Variants in FZD2 observed in about 807,000 individuals in gnomAD.
FZD2 encodes frizzled class receptor 2, also known as frizzled-2.
A neutral mutation model predicts 36.7 loss-of-function variants in FZD2; 17 were observed. That is an observed-to-expected ratio of 0.46 (90% confidence interval 0.32 to 0.70). The LOEUF (loss-of-function observed/expected upper bound fraction) is 0.70, where lower values mean the gene tolerates loss of function less well. Ranked by LOEUF, FZD2 falls within the 30% of genes least tolerant of loss-of-function variation. The pLI is 0.04. For synonymous variants in FZD2, 333 were observed against 359.6 expected (o/e 0.93, Z 0.84); for missense variants, 525 against 805.6 (o/e 0.65, Z 4.22).
In FZD2 at chr17:44,558,320, T is replaced by G. The variant is rs745560735; in HGVS notation, c.632T>G (p.Leu211Arg). The change falls in exon 1 of 1, where the codon CTC becomes CGC. Residue 211 changes from leucine to arginine, a missense_variant. Coordinates refer to ENST00000315323, the MANE Select transcript of FZD2 (RefSeq NM_001466.4). This position sits in a 1 kb window ranked among gnomAD's most constrained non-coding sequence, Gnocchi z 9.3. ...CPRVLKVPSY[L>R]SYKFLGERDC... Reference sequence around the variant, plus strand: ...CGCGTCCTCAAGGTGCCATCCTATCTCAGCTACAAGTTTCTGGGCGAGCGT... The same window carrying G: ...CGCGTCCTCAAGGTGCCATCCTATCGCAGCTACAAGTTTCTGGGCGAGCGT... 6.7e-7 allele frequency: 1 copy of G among 1,492,444 alleles called. No homozygotes were observed. The highest frequency in any genetic ancestry group is 8.9e-7 in the Non-Finnish European group (1 of 1,127,562). The allele number at this position is 1,492,444 out of a possible 1,614,324, so 92.5% of individuals were successfully genotyped here. A position where few individuals can be genotyped will look rare whatever the true frequency, so the allele number is the denominator to read the frequency against.
Position 44,559,289 on chromosome 17 carries a change from C to T in FZD2, c.1601C>T (p.Thr534Met). Reference sequence around the variant, plus strand: ...CTCATGACGCTCATCGTGGGCATCACGTCGGGCTTCTGGATCTGGTCGGGC... The same window carrying T: ...CTCATGACGCTCATCGTGGGCATCATGTCGGGCTTCTGGATCTGGTCGGGC... Reference protein sequence around the residue: ...KYLMTLIVGITSGFWIWSGKT... With the variant: ...KYLMTLIVGIMSGFWIWSGKT... Residue 534 changes from threonine (T) to methionine (M), a missense_variant, in exon 1 of 1, where the codon ACG becomes ATG. Coordinates refer to ENST00000315323, the MANE Select transcript of FZD2 (RefSeq NM_001466.4). This position sits in a 1 kb window ranked among gnomAD's most constrained non-coding sequence, Gnocchi z 4.4. The T allele has an allele frequency of 6.2e-7, 1 of 1,614,034 alleles. No homozygotes were observed. The highest frequency in any genetic ancestry group is 8.5e-7 in the Non-Finnish European group (1 of 1,180,010).
rs1166945927 is a variant in FZD2, at chr17:44,559,941, C to T, written c.*555C>T. Among the ~76,000 whole-genome samples the T allele has an allele frequency of 6.6e-6, 1 of 152,106 alleles. No homozygotes were observed. Among genetic ancestry groups the T allele is most frequent in the Admixed American group, 6.6e-5 (1 of 15,256 alleles). ...TTGGATTCGTTTTGTTTCCTTCCCC[C>T]TTTTCTTTCCCTACTCATTTGTCCT... On this transcript the variant is annotated 3_prime_UTR_variant, in exon 1 of 1. Coordinates refer to ENST00000315323, the MANE Select transcript of FZD2 (RefSeq NM_001466.4). This position sits in a 1 kb window ranked among gnomAD's most constrained non-coding sequence, Gnocchi z 4.4.
chr17:44,559,545 G>A lies in FZD2; in HGVS notation c.*159G>A. ...ACTCTCTGCCCAACACCCCCACAAG[G>A]TTTGTAATTAAAACTGTAAATAGTC... On this transcript the variant is annotated 3_prime_UTR_variant, in exon 1 of 1. Transcript: ENST00000315323. The surrounding 1 kb of genome is among the most constrained non-coding windows in gnomAD (Gnocchi z 4.4). 2.2e-6 allele frequency: 2 copies of A among 897,840 alleles called. No individual in the cohort carries two copies. Among genetic ancestry groups the A allele is most frequent in the South Asian group, 2.8e-5 (1 of 35,562 alleles). The allele number at this position is 897,840 out of a possible 1,614,324, so 55.6% of individuals were successfully genotyped here. A position where few individuals can be genotyped will look rare whatever the true frequency, so the allele number is the denominator to read the frequency against.
At position 44,559,056 on chromosome 17, in the gene FZD2, G is replaced by C; in HGVS notation, c.1368G>C (p.Glu456Asp). The C allele has an allele frequency of 1.2e-6, 2 of 1,614,156 alleles. No individual in the cohort carries two copies. Among genetic ancestry groups the C allele is most frequent in the Non-Finnish European group, 1.7e-6 (2 of 1,180,040 alleles). Residue 456 changes from glutamate (E) to aspartate (D), a missense_variant, in exon 1 of 1, where the codon GAG becomes GAC. Around this residue, in one of 5 missense-constraint regions of FZD2, gnomAD observed 189 missense variants for 298.1 expected, o/e 0.63. Transcript: ENST00000315323. The surrounding 1 kb of genome is among the most constrained non-coding windows in gnomAD (Gnocchi z 4.4). ...ACGGCACCAAGACCGAAAAGCTGGA[G>C]CGGCTCATGGTGCGCATCGGCGTCT... The part of the protein sequence containing the change: ...KHDGTKTEKL[E>D]RLMVRIGVFS...
chr17:44,558,971 C>T lies in FZD2; in HGVS notation c.1283C>T (p.Thr428Met). The change falls in exon 1 of 1, where the codon ACG (threonine) becomes ATG (methionine). Residue 428 changes from threonine to methionine, a missense_variant. This residue lies in a region of FZD2 where 189 missense variants were observed against 298.1 expected (regional missense o/e 0.63). Coordinates refer to ENST00000315323, the MANE Select transcript of FZD2 (RefSeq NM_001466.4). This position sits in a 1 kb window ranked among gnomAD's most constrained non-coding sequence, Gnocchi z 9.3. ...CTCTTCGTGTACCTGTTCATCGGCA[C>T]GTCCTTCCTCCTGGCCGGCTTCGTG... ...APLFVYLFIG[T>M]SFLLAGFVSL... is the part of the protein sequence containing the mutation. 6.2e-7 allele frequency: 1 copy of T among 1,614,096 alleles called. No homozygotes were observed. The highest frequency in any genetic ancestry group is 8.5e-7 in the Non-Finnish European group (1 of 1,180,026).
rs766944316 is a variant in FZD2, at chr17:44,559,192, C to T, written c.1504C>T (p.Leu502=). 1 of 1,613,838 alleles carries T rather than the reference C, an allele frequency of 6.2e-7. No homozygotes were observed. Residue 502 remains leucine (L), a synonymous_variant, in exon 1 of 1, where the codon CTG becomes TTG. Coordinates refer to ENST00000315323, the MANE Select transcript of FZD2 (RefSeq NM_001466.4). The surrounding 1 kb of genome is among the most constrained non-coding windows in gnomAD (Gnocchi z 4.4). ...RSWVSQHCKS[L]AIPCPAHYTP... is the part of the protein sequence containing the mutation. ...GTGGGTGAGCCAGCACTGCAAGAGCCTGGCCATCCCGTGCCCGGCGCACTA... is the reference window on the plus strand; with the variant it reads ...GTGGGTGAGCCAGCACTGCAAGAGCTTGGCCATCCCGTGCCCGGCGCACTA...
Position 44,557,697 on chromosome 17 carries a change from C to T in FZD2, c.9C>T (p.Pro3=). The change falls in exon 1 of 1, where the codon CCC becomes CCT. Residue 3 remains proline (P), a synonymous_variant. Transcript: ENST00000315323. This position sits in a 1 kb window ranked among gnomAD's most constrained non-coding sequence, Gnocchi z 4.9. Reference sequence around the variant, plus strand: ...GGGGGGCGGCGGCCAGCATGCGGCCCCGCAGCGCCCTGCCCCGCCTGCTGC... The same window carrying T: ...GGGGGGCGGCGGCCAGCATGCGGCCTCGCAGCGCCCTGCCCCGCCTGCTGC... MR[P]RSALPRLLLP... 2.1e-6 allele frequency: 3 copies of T among 1,454,512 alleles called. No individual in the cohort carries two copies. The highest frequency in any genetic ancestry group is 2.7e-6 in the Non-Finnish European group (3 of 1,105,688). 90.1% of individuals were successfully genotyped at this position (1,454,512 alleles called of 1,614,324 possible).
chr17:44,560,524 G>T lies in FZD2; in HGVS notation c.*1138G>T, dbSNP rs1970876727. ...CTTTTTAGTTTTCCTTTGAGAAAAA[G>T]ACTGGTTTATTTAAAATTTGTCCAG... is the stretch of plus-strand genomic sequence containing the variant. On this transcript the variant is annotated 3_prime_UTR_variant, in exon 1 of 1. Coordinates refer to ENST00000315323, the MANE Select transcript of FZD2 (RefSeq NM_001466.4). 6.8e-6 allele frequency among the ~76,000 whole-genome samples: 1 copy of T among 146,136 alleles called. No homozygotes were observed. Among genetic ancestry groups the T allele is most frequent in the Admixed American group, 7.0e-5 (1 of 14,378 alleles).
At position 44,559,491 on chromosome 17, in the gene FZD2, T is replaced by C. The variant is rs1970864505; in HGVS notation, c.*105T>C. 2 of 1,414,802 alleles carry C rather than the reference T, an allele frequency of 1.4e-6. No homozygotes were observed. Among genetic ancestry groups the C allele is most frequent in the Non-Finnish European group, 1.8e-6 (2 of 1,088,638 alleles). The allele number at this position is 1,414,802 out of a possible 1,614,324, so 87.6% of individuals were successfully genotyped here. A position where few individuals can be genotyped will look rare whatever the true frequency, so the allele number is the denominator to read the frequency against. On this transcript the variant is annotated 3_prime_UTR_variant, in exon 1 of 1. Transcript: ENST00000315323. This position sits in a 1 kb window ranked among gnomAD's most constrained non-coding sequence, Gnocchi z 4.4. ...TTAAATAAAAAACGATCGAAACCAT[T>C]TCACTTTTAGGTTGCTTTTTAAAAG...
Position 44,557,994 on chromosome 17 carries a change from G to C in FZD2, c.306G>C (p.Val102=). 6.2e-7 allele frequency: 1 copy of C among 1,613,936 alleles called. No individual in the cohort carries two copies. Among genetic ancestry groups the C allele is most frequent in the Non-Finnish European group, 8.5e-7 (1 of 1,180,006 alleles). Residue 102 remains valine (V), a synonymous_variant, in exon 1 of 1, where the codon GTG becomes GTC. Transcript: ENST00000315323. This position sits in a 1 kb window ranked among gnomAD's most constrained non-coding sequence, Gnocchi z 4.9. The part of the protein sequence containing the change: ...LCSMYAPVCT[V]LEQAIPPCRS... ...CCATGTACGCACCCGTGTGCACCGTGCTGGAACAGGCCATCCCGCCGTGCC... is the reference window on the plus strand; with the variant it reads ...CCATGTACGCACCCGTGTGCACCGTCCTGGAACAGGCCATCCCGCCGTGCC...
At position 44,558,569 on chromosome 17, in the gene FZD2, A is replaced by C; in HGVS notation, c.881A>C (p.Tyr294Ser). The C allele has an allele frequency of 1.2e-6, 2 of 1,606,810 alleles. No individual in the cohort carries two copies. The highest frequency in any genetic ancestry group is 1.7e-6 in the Non-Finnish European group (2 of 1,175,824). The change falls in exon 1 of 1, where the codon TAC (tyrosine) becomes TCC (serine). Residue 294 changes from tyrosine to serine, a missense_variant. By Grantham distance (144) the Tyr-to-Ser change is moderately radical (BLOSUM62 -2). This residue lies in a region of FZD2 where 257 missense variants were observed against 344.4 expected (regional missense o/e 0.75). Coordinates refer to ENST00000315323, the MANE Select transcript of FZD2 (RefSeq NM_001466.4). The surrounding 1 kb of genome is among the most constrained non-coding windows in gnomAD (Gnocchi z 9.3). The stretch of plus-strand genomic sequence containing the variant: ...TGCTACACCATGGTGTCGGTGGCCT[A>C]CATCGCGGGCTTCGTGCTCCAGGAG... ...SGCYTMVSVA[Y>S]IAGFVLQERV...
chr17:44,560,053 G>A lies in FZD2; in HGVS notation c.*667G>A, dbSNP rs1161313710. 1.3e-5 allele frequency among the ~76,000 whole-genome samples: 2 copies of A among 152,104 alleles called. No individual in the cohort carries two copies. The highest frequency in any genetic ancestry group is 2.9e-5 in the Non-Finnish European group (2 of 68,034). On this transcript the variant is annotated 3_prime_UTR_variant, in exon 1 of 1. Coordinates refer to ENST00000315323, the MANE Select transcript of FZD2 (RefSeq NM_001466.4). The stretch of plus-strand genomic sequence containing the variant: ...GGGTCGGGGTGTGCTGGTGGGGAGA[G>A]GGCAGAGATCCGGTGAGGAATGGCT...
Position 44,558,829 on chromosome 17 carries a change from G to A in FZD2, c.1141G>A (p.Ala381Thr), listed in dbSNP as rs530531830. 3.5e-5 allele frequency: 57 copies of A among 1,614,028 alleles called. No homozygotes were observed. Among genetic ancestry groups the A allele is most frequent in the Non-Finnish European group, 4.7e-5 (55 of 1,179,992 alleles). The change falls in exon 1 of 1, where the codon GCC becomes ACC. Residue 381 changes from alanine (A) to threonine (T), a missense_variant. Ala to Thr is a moderately conservative substitution (Grantham distance 58, BLOSUM62 0). Coordinates refer to ENST00000315323, the MANE Select transcript of FZD2 (RefSeq NM_001466.4). The surrounding 1 kb of genome is among the most constrained non-coding windows in gnomAD (Gnocchi z 9.3). ...YFHLAAWAVPAVKTITILAMG... is the reference protein window; with the variant it reads ...YFHLAAWAVPTVKTITILAMG... ...CCACCTGGCCGCCTGGGCCGTGCCG[G>A]CCGTCAAGACCATCACCATCCTGGC... is the stretch of plus-strand genomic sequence containing the variant.
chr17:44,558,141 C>T lies in FZD2; in HGVS notation c.453C>T (p.Val151=), dbSNP rs750729454. 2.5e-6 allele frequency: 4 copies of T among 1,601,978 alleles called. No individual in the cohort carries two copies. The highest frequency in any genetic ancestry group is 1.7e-5 in the Admixed American group (1 of 59,546). The change falls in exon 1 of 1, where the codon GTC becomes GTT. Residue 151 remains valine, a synonymous_variant. Transcript: ENST00000315323. The surrounding 1 kb of genome is among the most constrained non-coding windows in gnomAD (Gnocchi z 9.3). ...FPRHGAEQIC[V]GQNHSEDGAP... ...GCCACGGCGCCGAGCAGATCTGCGT[C>T]GGCCAGAACCACTCCGAGGACGGAG...
chr17:44,559,245 G>A lies in FZD2; in HGVS notation c.1557G>A (p.Thr519=). 6.2e-7 allele frequency: 1 copy of A among 1,614,086 alleles called. No individual in the cohort carries two copies. The highest frequency in any genetic ancestry group is 8.5e-7 in the Non-Finnish European group (1 of 1,180,016). Residue 519 remains threonine, a synonymous_variant, in exon 1 of 1, where the codon ACG becomes ACA. Transcript: ENST00000315323. This position sits in a 1 kb window ranked among gnomAD's most constrained non-coding sequence, Gnocchi z 4.4. ...HYTPRMSPDF[T]VYMIKYLMTL... is the part of the protein sequence containing the mutation. ...CGCCGCGCATGTCGCCCGACTTCAC[G>A]GTCTACATGATCAAATACCTCATGA...
rs1970883270 is a variant in FZD2 at position 44,561,124 on chromosome 17, T to C, written c.*1738T>C. On this transcript the variant is annotated 3_prime_UTR_variant, in exon 1 of 1. Coordinates refer to ENST00000315323, the MANE Select transcript of FZD2 (RefSeq NM_001466.4). ...TATTATTTCCCTCAACTATTTGGAA[T>C]ATTTTAGAATTTTAATTCCAAAGGA... Among the ~76,000 whole-genome samples, 1 of 152,252 alleles carries C rather than the reference T, an allele frequency of 6.6e-6. No homozygotes were observed. The highest frequency in any genetic ancestry group is 1.5e-5 in the Non-Finnish European group (1 of 68,038).
chr17:44,558,127 G>C lies in FZD2; in HGVS notation c.439G>C (p.Glu147Gln). The C allele has an allele frequency of 1.9e-6, 3 of 1,606,786 alleles. No individual in the cohort carries two copies. The highest frequency in any genetic ancestry group is 1.7e-6 in the Non-Finnish European group (2 of 1,179,394). Residue 147 changes from glutamate (E) to glutamine (Q), a missense_variant, in exon 1 of 1, where the codon GAG (glutamate) becomes CAG (glutamine). Transcript: ENST00000315323. The surrounding 1 kb of genome is among the most constrained non-coding windows in gnomAD (Gnocchi z 9.3). ...RCEHFPRHGA[E>Q]QICVGQNHSE... ...CGAGCACTTCCCGCGCCACGGCGCC[G>C]AGCAGATCTGCGTCGGCCAGAACCA...
rs1970873260 is a variant in FZD2 at position 44,560,168 on chromosome 17, A to G, written c.*782A>G. 6.6e-6 allele frequency among the ~76,000 whole-genome samples: 1 copy of G among 152,144 alleles called. No individual in the cohort carries two copies. Among genetic ancestry groups the G allele is most frequent in the Non-Finnish European group, 1.5e-5 (1 of 68,036 alleles). On this transcript the variant is annotated 3_prime_UTR_variant, in exon 1 of 1. Transcript: ENST00000315323. ...TCAATTCGCTGCACCAAGTGCTTCCAGTGGCCCAAAAATGCTTTTTGAAGT... is the reference window on the plus strand; with the variant it reads ...TCAATTCGCTGCACCAAGTGCTTCCGGTGGCCCAAAAATGCTTTTTGAAGT...
rs1014076034 is a variant in FZD2, at chr17:44,561,152, A to C, written c.*1766A>C. Among the ~76,000 whole-genome samples, 4 of 152,252 alleles carry C rather than the reference A, an allele frequency of 2.6e-5. No individual in the cohort carries two copies. The highest frequency in any genetic ancestry group is 9.6e-5 in the African/African-American group (4 of 41,458). ...TTTAGAATTTTAATTCCAAAGGATT[A>C]GTTTGAATACAAGTATGCCACATAA... On this transcript the variant is annotated 3_prime_UTR_variant, in exon 1 of 1. Transcript: ENST00000315323.
Sources: allele counts gnomAD v4.1 joint callset (sites outside exome capture counted in the v4.1 genomes callset), GRCh38; gene constraint gnomAD v4.1.1; regional missense constraint gnomAD v4.1.1; non-coding constraint Gnocchi (gnomAD v3.1); transcripts MANE v1.5; gene names NCBI Gene and HGNC (gene_info 2026-07-23, HGNC 2026-07-21).